ANTXR2: variants seen among roughly 807,000 people sequenced by gnomAD.
ANTXR2 encodes the protein ANTXR cell adhesion molecule 2, also known as anthrax toxin receptor 2.
In ANTXR2, 44 loss-of-function variants were observed where a neutral mutation model predicts 73.7. The ratio of observed to expected loss-of-function variants is 0.60; its 90% confidence interval spans 0.47 to 0.77. ANTXR2 has a LOEUF of 0.77. Among genes scored for constraint, ANTXR2 ranks in the 30% least tolerant of loss-of-function variants. ANTXR2 has a pLI of 0.00. For missense variants in ANTXR2, 604 were observed against 592.5 expected (o/e 1.02, Z -0.20); for synonymous variants, 217 against 205.9 (o/e 1.05, Z -0.46).
At chr4:80,008,446 T>C in intron 12 of ANTXR2, 75 bp downstream of exon 12, 3 of 1,156,456 alleles carry the variant, frequency 2.6e-6, no homozygotes, top group Non-Finnish European at 3.7e-6. Flanking sequence ...TAACATGGCA[T>C]TTATTCATAT....
At chr4:79,987,124 T>TC (rs1371025102) in intron 12 of ANTXR2, among the ~76,000 whole-genome samples, 2 of 151,284 alleles carry the variant, frequency 1.3e-5, no homozygotes, top group Admixed American at 1.3e-4. Flanking sequence ...TCTCAATAAC[T>TC]CCCCCAGAAA....
At chr4:79,945,074 C>T (rs1728469378) in intron 16 of ANTXR2, among the ~76,000 whole-genome samples, 1 of 151,988 alleles carries the variant, frequency 6.6e-6, no homozygotes, top group Admixed American at 6.6e-5. Flanking sequence ...TCTTCTATAC[C>T]AGAGTTATTT....
At chr4:79,978,448 A>C (rs937578831) in intron 14 of ANTXR2, among the ~76,000 whole-genome samples, 2 of 152,064 alleles carry the variant, frequency 1.3e-5, no homozygotes, top group African/African-American at 4.8e-5. Flanking sequence ...GTTTTAAATA[A>C]AGAGTCCATT....
chr4:79,975,511 T>A (rs1729587472), intron 16 of ANTXR2, among the ~76,000 whole-genome samples: 1 of 152,202 alleles, frequency 6.6e-6, no homozygotes, highest in Admixed American at 6.5e-5. Context: ...TATAAAGCAT[T>A]AGCAAGAGAA....
At position 79,906,684 on chromosome 4, in the gene ANTXR2, G is replaced by A. The variant is rs184787807; in HGVS notation, c.*745C>T. ...ACTACACTCAAGATCTCTGGCTAGA[G>A]GCCTTCTGTGGAATAACGCTCTATT... On this transcript the variant is annotated 3_prime_UTR_variant, in exon 17 of 17. Transcript: ENST00000403729. 14 of 152,742 alleles carry A rather than the reference G, an allele frequency of 9.2e-5. No homozygotes were observed. Among genetic ancestry groups the A allele is most frequent in the Non-Finnish European group, 1.5e-4 (10 of 68,068 alleles). The allele number at this position is 152,742 out of a possible 1,614,324, so 9.5% of individuals were successfully genotyped here. A position where few individuals can be genotyped will look rare whatever the true frequency, so the allele number is the denominator to read the frequency against.
intron 10 of ANTXR2, among the ~76,000 whole-genome samples, chr4:80,020,943 T>C (rs961041660): frequency 1.3e-5 from 2 of 151,886 alleles, no homozygotes; most frequent in Non-Finnish European, 2.9e-5. Flanking sequence ...GGTCAGGAGA[T>C]TGAGACCATC....
At chr4:80,015,413 A>G (rs1731790294) in intron 11 of ANTXR2, among the ~76,000 whole-genome samples, 3 of 152,212 alleles carry the variant, frequency 2.0e-5, no homozygotes, top group Non-Finnish European at 2.9e-5. Context: ...TACCACCATC[A>G]GTCAATTTAG....
At chr4:80,000,522 C>G (rs1480106201) in intron 12 of ANTXR2, among the ~76,000 whole-genome samples, 1 of 152,008 alleles carries the variant, frequency 6.6e-6, no homozygotes, top group Non-Finnish European at 1.5e-5. Flanking sequence ...AGGTAGAATA[C>G]ACACAGTACC....
intron 16 of ANTXR2, among the ~76,000 whole-genome samples, chr4:79,945,808 C>A (rs1728495260): frequency 6.6e-6 from 1 of 152,064 alleles, no homozygotes; most frequent in Admixed American, 6.6e-5. Flanking sequence ...ACAATATGCC[C>A]TACTTTAATA....
chr4:79,992,015 C>T (rs1241267921), intron 12 of ANTXR2, among the ~76,000 whole-genome samples: 2 of 151,918 alleles, frequency 1.3e-5, no homozygotes, highest in Non-Finnish European at 2.9e-5. Context: ...GTACTATGCT[C>T]ACTACCTGGG....
chr4:80,018,857 A>G, intron 11 of ANTXR2, 41 bp downstream of exon 11: 2 of 1,369,776 alleles, frequency 1.5e-6, no homozygotes, highest in Non-Finnish European at 2.0e-6. Context: ...TCTGGATGGA[A>G]TTGCTTTTAA....
intron 3 of ANTXR2, among the ~76,000 whole-genome samples, chr4:80,066,703 T>A (rs917329993): frequency 1.5e-5 from 2 of 136,070 alleles, no homozygotes; most frequent in Non-Finnish European, 3.2e-5. Context: ...CTTTCATTCA[T>A]GTAACAATTT....
intron 12 of ANTXR2, among the ~76,000 whole-genome samples, chr4:79,985,745 A>C (rs1730116497): frequency 6.6e-6 from 1 of 152,152 alleles, no homozygotes; most frequent in Non-Finnish European, 1.5e-5. Flanking sequence ...TAAGGATACA[A>C]ACTGTTGCTT....
At chr4:79,984,319 A>G (rs1402925276) in intron 13 of ANTXR2, among the ~76,000 whole-genome samples, 2 of 152,218 alleles carry the variant, frequency 1.3e-5, no homozygotes, top group Non-Finnish European at 2.9e-5. Context: ...AACAGTCATT[A>G]AAGCATCAAT....
chr4:80,072,286 A>T, intron 1 of ANTXR2, 123 bp downstream of exon 1: 1 of 1,119,388 alleles, frequency 8.9e-7, no homozygotes, highest in Non-Finnish European at 1.2e-6. Context: ...AGACAGCAAC[A>T]GGGCACCCCT....
chr4:80,042,885 C>G (rs1733336878), intron 7 of ANTXR2, among the ~76,000 whole-genome samples: 1 of 151,940 alleles, frequency 6.6e-6, no homozygotes, highest in Non-Finnish European at 1.5e-5. Context: ...ATCACAGGGT[C>G]TCTAAAACCT....
chr4:80,067,510 A>G (rs1345184149), intron 3 of ANTXR2, among the ~76,000 whole-genome samples: 1 of 152,212 alleles, frequency 6.6e-6, no homozygotes, highest in Non-Finnish European at 1.5e-5. Flanking sequence ...TAGGAATGCC[A>G]TAAATGTTAA....
chr4:80,022,363 A>C (rs1442057215), intron 10 of ANTXR2, among the ~76,000 whole-genome samples: 1 of 152,232 alleles, frequency 6.6e-6, no homozygotes, highest in African/African-American at 2.4e-5. Context: ...AAACACAGTT[A>C]CATCTGCTTT....
intron 12 of ANTXR2, among the ~76,000 whole-genome samples, chr4:80,002,998 T>C (rs1731123885): frequency 7.4e-6 from 1 of 135,700 alleles, no homozygotes; most frequent in Non-Finnish European, 1.7e-5. Context: ...TGAAAGTCAG[T>C]GTGGCCATTC....
Sources: gnomAD v4.1 joint callset for allele counts (sites outside exome capture counted in the v4.1 genomes callset) on GRCh38, gnomAD v4.1.1 for gene constraint, MANE v1.5 for transcripts, NCBI Gene and HGNC (gene_info 2026-07-23, HGNC 2026-07-21) for gene names.